SMG6: variants seen among roughly 807,000 people sequenced by gnomAD.
SMG6 encodes the protein SMG6 nonsense mediated mRNA decay factor, also known as telomerase-binding protein EST1A.
In SMG6, 66 loss-of-function variants were observed where a neutral mutation model predicts 142.2. The observed-to-expected ratio is 0.46, with a 90% CI of 0.38 to 0.57. SMG6 has a LOEUF of 0.57. Among genes scored for constraint, SMG6 ranks in the 20% least tolerant of loss-of-function variants. The pLI is 0.00. For missense variants in SMG6, 1,793 were observed against 1,832.0 expected (o/e 0.98, Z 0.39); for synonymous variants, 779 against 702.4 (o/e 1.11, Z -1.72).
At chr17:2,151,914 G>A (rs944014715) in intron 13 of SMG6, among the ~76,000 whole-genome samples, 5 of 152,190 alleles carry the variant, frequency 3.3e-5, no homozygotes, top group Admixed American at 6.5e-5. Flanking sequence ...AGGCTCTGCC[G>A]ATGGTTGTTT....
intron 16 of SMG6, among the ~76,000 whole-genome samples, chr17:2,067,372 C>G (rs1006818230): frequency 2.6e-5 from 4 of 152,178 alleles, no homozygotes; most frequent in African/African-American, 9.7e-5. Context: ...GTCTGAGGCA[C>G]CTTACGGCTC....
chr17:2,140,833 T>C (rs2070455920), intron 13 of SMG6, among the ~76,000 whole-genome samples: 1 of 152,216 alleles, frequency 6.6e-6, no homozygotes, highest in African/African-American at 2.4e-5. Flanking sequence ...CACTGCTTTT[T>C]ACAGAAGCCT....
At chr17:2,159,212 G>A (rs956833229) in intron 13 of SMG6, among the ~76,000 whole-genome samples, 2 of 152,152 alleles carry the variant, frequency 1.3e-5, no homozygotes, top group South Asian at 2.1e-4. Flanking sequence ...TTTGAGGTCA[G>A]AAGTTCGAGA....
intron 10 of SMG6, among the ~76,000 whole-genome samples, chr17:2,198,021 C>A (rs530268288): frequency 2.6e-4 from 39 of 152,244 alleles, no homozygotes; most frequent in Non-Finnish European, 4.3e-4. Context: ...AGAAAAAAAA[C>A]CAGTATATAA....
chr17:2,075,217 C>T (rs1018741660), intron 15 of SMG6, among the ~76,000 whole-genome samples: 11 of 146,782 alleles, frequency 7.5e-5, no homozygotes, highest in Non-Finnish European at 1.6e-4. Context: ...CAACAGCCCC[C>T]CCTAGCTGGG....
intron 8 of SMG6, among the ~76,000 whole-genome samples, chr17:2,282,390 C>CAAAAAAAAAAAAAAA (rs576759563): frequency 1.5e-4 from 13 of 84,492 alleles, no homozygotes; most frequent in South Asian, 4.4e-4. Context: ...CAAAAAGCAG[C>CAAAAAAAAAAAAAAA]AAAAAAAAAA....
In SMG6 at chr17:2,065,325, G is replaced by A; in HGVS notation, c.4047+143C>T. On this transcript the variant is annotated intron_variant, in intron 17 of 18. Coordinates refer to ENST00000263073, the MANE Select transcript of SMG6 (RefSeq NM_017575.5). ...CTGACTGTGCTACGAGTGACTTAGGGGAGAAGGAACTCCCCCACCTGGGCC... is the reference window on the plus strand; with the variant it reads ...CTGACTGTGCTACGAGTGACTTAGGAGAGAAGGAACTCCCCCACCTGGGCC... 4.2e-6 allele frequency: 4 copies of A among 962,304 alleles called. No individual in the cohort carries two copies. In the South Asian group the frequency reaches 6.0e-5, roughly 14 times the overall value. The allele number at this position is 962,304 out of a possible 1,614,324, so 59.6% of individuals were successfully genotyped here. A position where few individuals can be genotyped will look rare whatever the true frequency, so the allele number is the denominator to read the frequency against.
Position 2,250,742 on chromosome 17 carries a change from T to A in SMG6, c.2662-6023A>T, listed in dbSNP as rs535481404. On this transcript the variant is annotated intron_variant, in intron 8 of 18. Coordinates refer to ENST00000263073, the MANE Select transcript of SMG6 (RefSeq NM_017575.5). ...ATTTTAGAAAAGGGATCTATCCTCT[T>A]AGATATGAGACAACATAGGTGGAGA... Among the ~76,000 whole-genome samples the A allele has an allele frequency of 1.2e-3, 181 of 152,222 alleles. 1 individual carries two copies. The highest frequency in any genetic ancestry group is 1.6e-3 in the Non-Finnish European group (111 of 68,000).
In SMG6 at chr17:2,140,390, G is replaced by T. The variant is rs535100202; in HGVS notation, c.3357+32268C>A. On this transcript the variant is annotated intron_variant, in intron 13 of 18. Coordinates refer to ENST00000263073, the MANE Select transcript of SMG6 (RefSeq NM_017575.5). ...TATTTTTTTAAATTCTTCATATCCA[G>T]GCCGGGTACGATGGCTCACACCTGT... 1.6e-3 allele frequency among the ~76,000 whole-genome samples: 250 copies of T among 152,298 alleles called. 5 individuals are homozygous for T. In the South Asian group the frequency reaches 0.051, roughly 31 times the overall value.
At chr17:2,155,055 ATT>A (rs35087650) in intron 13 of SMG6, among the ~76,000 whole-genome samples, 1 of 143,604 alleles carries the variant, frequency 7.0e-6, no homozygotes, top group Non-Finnish European at 1.5e-5. Flanking sequence ...GAGAAAAAAA[ATT>A]TTTTTTTTTT....
At chr17:2,074,116 A>G (rs1052016295) in intron 15 of SMG6, among the ~76,000 whole-genome samples, 2 of 152,056 alleles carry the variant, frequency 1.3e-5, no homozygotes, top group African/African-American at 4.8e-5. Flanking sequence ...TAACTCTGTC[A>G]CTCAGGCTGG....
chr17:2,267,727 G>A (rs2074452383), intron 8 of SMG6, among the ~76,000 whole-genome samples: 1 of 148,466 alleles, frequency 6.7e-6, no homozygotes, highest in African/African-American at 2.4e-5. Context: ...ACTTATTTAT[G>A]TATTTTTAAT....
At chr17:2,283,183 CA>C (rs2074829321) in intron 7 of SMG6, among the ~76,000 whole-genome samples, 1 of 152,120 alleles carries the variant, frequency 6.6e-6, no homozygotes, top group Non-Finnish European at 1.5e-5. Flanking sequence ...AAACAAAAAA[CA>C]CACATGAGCT....
intron 13 of SMG6, among the ~76,000 whole-genome samples, chr17:2,105,434 T>G (rs1197417333): frequency 2.0e-5 from 3 of 152,048 alleles, no homozygotes; most frequent in Admixed American, 1.3e-4. Context: ...TAATCCCAGC[T>G]ACCTGGGAGG....
chr17:2,100,283 C>T (rs1567597778), intron 13 of SMG6, among the ~76,000 whole-genome samples: 1 of 152,184 alleles, frequency 6.6e-6, no homozygotes, highest in Non-Finnish European at 1.5e-5. Context: ...AATGACTCGC[C>T]CGCCTCGGCC....
intron 13 of SMG6, among the ~76,000 whole-genome samples, chr17:2,104,484 G>A (rs1241381594): frequency 6.6e-6 from 1 of 152,050 alleles, no homozygotes. Context: ...TTCAGGGCAG[G>A]GAAAGTTCTA....
chr17:2,266,917 A>C (rs1238801102), intron 8 of SMG6, among the ~76,000 whole-genome samples: 1 of 152,092 alleles, frequency 6.6e-6, no homozygotes, highest in African/African-American at 2.4e-5. Context: ...AACATCTGAA[A>C]AACCCGGTTC....
At chr17:2,063,787 G>A (rs1389580393) in intron 18 of SMG6, among the ~76,000 whole-genome samples, 2 of 152,198 alleles carry the variant, frequency 1.3e-5, no homozygotes, top group East Asian at 3.8e-4. Flanking sequence ...ACAGGAGGAA[G>A]GAGAGTGTGA....
At chr17:2,182,158 C>T (rs2071826337) in intron 12 of SMG6, among the ~76,000 whole-genome samples, 1 of 152,214 alleles carries the variant, frequency 6.6e-6, no homozygotes, top group Non-Finnish European at 1.5e-5. Context: ...ACTTGGAGAA[C>T]TGAGTCCTTT....
Sources: gnomAD v4.1 joint callset for allele counts (sites outside exome capture counted in the v4.1 genomes callset) on GRCh38, gnomAD v4.1.1 for gene constraint, MANE v1.5 for transcripts, NCBI Gene and HGNC (gene_info 2026-07-23, HGNC 2026-07-21) for gene names.